Variants in ZNF704 observed in about 807,000 individuals in gnomAD.
ZNF704 encodes the protein zinc finger protein 704.
In ZNF704, 10 loss-of-function variants were observed where a neutral mutation model predicts 44.7. The observed-to-expected ratio is 0.22, with a 90% CI of 0.14 to 0.38. The LOEUF (loss-of-function observed/expected upper bound fraction) is 0.38, where lower values mean the gene tolerates loss of function less well. Among genes scored for constraint, ZNF704 ranks in the 10% least tolerant of loss-of-function variants. The pLI, the probability that ZNF704 is intolerant of heterozygous loss-of-function variation, is 1.00. For missense variants in ZNF704, 390 were observed against 545.5 expected, an observed-to-expected ratio of 0.71 and a Z score of 2.84; for synonymous variants, 211 against 207.6, an observed-to-expected ratio of 1.02 and a Z score of -0.14.
intron 2 of ZNF704, among the ~76,000 whole-genome samples, chr8:80,739,986 C>T (rs1307410658): frequency 4.6e-5 from 7 of 152,080 alleles, no homozygotes; most frequent in African/African-American, 1.7e-4. Flanking sequence ...CACAGAACCC[C>T]GGGTATGCTT....
chr8:80,694,585 C>G (rs969221846), intron 2 of ZNF704, among the ~76,000 whole-genome samples: 1 of 152,150 alleles, frequency 6.6e-6, no homozygotes, highest in South Asian at 2.1e-4. Context: ...AAGCAATGAA[C>G]TCTTAGAGAT....
At chr8:80,869,424 A>G (rs972738630) in intron 1 of ZNF704, among the ~76,000 whole-genome samples, 2 of 152,212 alleles carry the variant, frequency 1.3e-5, no homozygotes, top group Non-Finnish European at 2.9e-5. Context: ...TTTCTGCTAC[A>G]TGGAGAAAAC....
At chr8:80,755,747 T>C (rs1417030917) in intron 2 of ZNF704, among the ~76,000 whole-genome samples, 1 of 152,128 alleles carries the variant, frequency 6.6e-6, no homozygotes, top group African/African-American at 2.4e-5. Context: ...CCCAGGACAC[T>C]GAATAGTTTA....
upstream of ZNF704, among the ~76,000 whole-genome samples, chr8:80,876,574 G>T (rs1809358874): frequency 1.3e-5 from 2 of 152,158 alleles, no homozygotes; most frequent in South Asian, 4.2e-4. Flanking sequence ...ATGGTCTCAG[G>T]AGCACCTAGG....
At chr8:80,875,701 C>T (rs1385233020), upstream of ZNF704, among the ~76,000 whole-genome samples, 1 of 152,198 alleles carries the variant, frequency 6.6e-6, no homozygotes, top group Non-Finnish European at 1.5e-5. Flanking sequence ...TGGTAGGCAC[C>T]TCCGTGGGGC....
At chr8:80,815,046 T>C (rs1044145903) in intron 2 of ZNF704, among the ~76,000 whole-genome samples, 2 of 152,224 alleles carry the variant, frequency 1.3e-5, no homozygotes, top group African/African-American at 4.8e-5. Context: ...GTAGCTCAGA[T>C]CATTTCCTAA....
intron 2 of ZNF704, among the ~76,000 whole-genome samples, chr8:80,794,490 T>C (rs999790075): frequency 2.6e-5 from 4 of 152,088 alleles, no homozygotes; most frequent in Admixed American, 1.3e-4. Context: ...AACGACCCAA[T>C]ATAAAAATAC....
At chr8:80,721,804 A>G (rs986656689) in intron 2 of ZNF704, among the ~76,000 whole-genome samples, 1 of 152,254 alleles carries the variant, frequency 6.6e-6, no homozygotes, top group Non-Finnish European at 1.5e-5. Context: ...AGTTAACCAA[A>G]AAAGCTATTA....
chr8:80,821,498 T>C lies in ZNF704; in HGVS notation c.97A>G (p.Lys33Glu), dbSNP rs1449971424. 1 of 1,614,182 alleles carries C rather than the reference T, an allele frequency of 6.2e-7. No homozygotes were observed. Among genetic ancestry groups the C allele is most frequent in the South Asian group, 1.1e-5 (1 of 91,080 alleles). The change falls in exon 2 of 9, where the codon AAA becomes GAA. Residue 33 changes from lysine to glutamate, a missense_variant. Physicochemically the swap from Lys to Glu is moderately conservative, Grantham distance 56. Coordinates refer to ENST00000327835, the MANE Select transcript of ZNF704 (RefSeq NM_001033723.3). ...VFSLAMEEDV[K>E]TADTKKASRI... ...CTGGCTTTTTTGGTGTCTGCTGTTTTCACATCTTCCTCCATGGCCAAGGAA... is the reference window on the plus strand; with the variant it reads ...CTGGCTTTTTTGGTGTCTGCTGTTTCCACATCTTCCTCCATGGCCAAGGAA...
intron 5 of ZNF704, 50 bp downstream of exon 5, chr8:80,670,453 C>T: frequency 7.2e-7 from 1 of 1,389,886 alleles, no homozygotes; most frequent in Non-Finnish European, 1.0e-6. Flanking sequence ...TGCGGGTGGC[C>T]CTAGACTGAG....
intron 1 of ZNF704, among the ~76,000 whole-genome samples, chr8:80,846,954 C>T (rs1303379590): frequency 6.6e-6 from 1 of 152,140 alleles, no homozygotes; most frequent in Non-Finnish European, 1.5e-5. Flanking sequence ...AGGCAGATCA[C>T]CCAAGGTCAG....
chr8:80,833,129 C>CGAGGTCAA (rs1209289046), intron 1 of ZNF704, among the ~76,000 whole-genome samples: 1 of 152,158 alleles, frequency 6.6e-6, no homozygotes, highest in Non-Finnish European at 1.5e-5. Flanking sequence ...GGGTGGATCA[C>CGAGGTCAA]GAGGTCAAGA....
At chr8:80,869,878 C>T (rs1335039747) in intron 1 of ZNF704, among the ~76,000 whole-genome samples, 1 of 152,090 alleles carries the variant, frequency 6.6e-6, no homozygotes, top group Non-Finnish European at 1.5e-5. Context: ...CTAAGGAGTC[C>T]CATGTGACAA....
intron 2 of ZNF704, among the ~76,000 whole-genome samples, chr8:80,768,707 A>G (rs1025302446): frequency 1.3e-5 from 2 of 152,194 alleles, no homozygotes; most frequent in African/African-American, 4.8e-5. Context: ...TGCTGGAGTC[A>G]GCTTATACTA....
At chr8:80,790,898 G>A (rs1273917535) in intron 2 of ZNF704, among the ~76,000 whole-genome samples, 1 of 152,162 alleles carries the variant, frequency 6.6e-6, no homozygotes, top group Non-Finnish European at 1.5e-5. Context: ...TAAAAATTCA[G>A]GTGAGAGACC....
At chr8:80,877,165 G>T (rs543544668), upstream of ZNF704, among the ~76,000 whole-genome samples, 6 of 129,544 alleles carry the variant, frequency 4.6e-5, no homozygotes, top group African/African-American at 1.8e-4. Flanking sequence ...CACATTGCTG[G>T]AAAGGCTGCC....
At chr8:80,844,542 C>T (rs1264062163) in intron 1 of ZNF704, among the ~76,000 whole-genome samples, 2 of 152,164 alleles carry the variant, frequency 1.3e-5, no homozygotes, top group East Asian at 1.9e-4. Context: ...AGGACACAAA[C>T]ATTCCGTCTA....
chr8:80,866,157 G>T (rs1440622556), intron 1 of ZNF704, among the ~76,000 whole-genome samples: 1 of 152,078 alleles, frequency 6.6e-6, no homozygotes, highest in Non-Finnish European at 1.5e-5. Context: ...GGATCACTTG[G>T]TTACAGTTGT....
chr8:80,747,097 T>C (rs1395945505), intron 2 of ZNF704, among the ~76,000 whole-genome samples: 4 of 152,122 alleles, frequency 2.6e-5, no homozygotes, highest in Non-Finnish European at 5.9e-5. Context: ...CCAATGCTTC[T>C]AGCTTTCTGC....
Sources: allele counts gnomAD v4.1 joint callset (sites outside exome capture counted in the v4.1 genomes callset), GRCh38; gene constraint gnomAD v4.1.1; transcripts MANE v1.5; gene names NCBI Gene and HGNC (gene_info 2026-07-23, HGNC 2026-07-21).